GRM7: variants seen among roughly 807,000 people sequenced by gnomAD.
GRM7 encodes glutamate metabotropic receptor 7.
Under a neutral mutation model 84.5 loss-of-function variants are expected in GRM7, and 35 were observed. That is an observed-to-expected ratio of 0.41 (90% confidence interval 0.32 to 0.55). GRM7 has a LOEUF of 0.55. Ranked by LOEUF, GRM7 falls within the 20% of genes least tolerant of loss-of-function variation. The probability of loss-of-function intolerance (pLI) is 0.19; values close to 1 mark genes in which losing one functional copy is unlikely to be tolerated. For synonymous variants in GRM7, 487 were observed against 455.1 expected (o/e 1.07, Z -0.89); for missense variants, 1,003 against 1,194.6 (o/e 0.84, Z 2.36).
chr3:7,387,077 CAG>C (rs1280253827), intron 4 of GRM7, among the ~76,000 whole-genome samples: 3 of 152,028 alleles, frequency 2.0e-5, no homozygotes, highest in Non-Finnish European at 4.4e-5. Flanking sequence ...CTTTGAGAAA[CAG>C]ACATTTCTCA....
At chr3:7,356,324 C>A (rs1166391086) in intron 4 of GRM7, among the ~76,000 whole-genome samples, 1 of 149,750 alleles carries the variant, frequency 6.7e-6, no homozygotes, top group Non-Finnish European at 1.5e-5. Flanking sequence ...TTTTTTGAGA[C>A]AGAGTCTCAC....
chr3:6,864,492 TAGAG>T (rs1694875836), intron 1 of GRM7, among the ~76,000 whole-genome samples: 1 of 152,086 alleles, frequency 6.6e-6, no homozygotes, highest in African/African-American at 2.4e-5. Flanking sequence ...AAGGCACACT[TAGAG>T]GGAGAGAAAA....
chr3:7,179,507 T>C (rs577511038), intron 2 of GRM7, among the ~76,000 whole-genome samples: 7 of 152,370 alleles, frequency 4.6e-5, no homozygotes, highest in South Asian at 2.1e-4. Context: ...TTCTACTCTA[T>C]ATTTTAGATT....
At chr3:7,185,944 C>T (rs926864515) in intron 2 of GRM7, among the ~76,000 whole-genome samples, 6 of 152,202 alleles carry the variant, frequency 3.9e-5, no homozygotes, top group Admixed American at 3.3e-4. Context: ...CATTTTATTC[C>T]TGCTTTCTCT....
At chr3:7,574,904 C>G (rs1485178) in intron 7 of GRM7, among the ~76,000 whole-genome samples, 1 of 151,822 alleles carries the variant, frequency 6.6e-6, no homozygotes, top group South Asian at 2.1e-4. Flanking sequence ...CTTTGCTCTT[C>G]CCAAATGAAA....
At chr3:6,950,041 C>T (rs1423123319) in intron 1 of GRM7, among the ~76,000 whole-genome samples, 3 of 152,156 alleles carry the variant, frequency 2.0e-5, no homozygotes, top group Non-Finnish European at 1.5e-5. Context: ...CTTCTGAAGC[C>T]TTCCTCTCTC....
intron 3 of GRM7, among the ~76,000 whole-genome samples, chr3:7,305,250 G>C (rs1700147258): frequency 6.7e-6 from 1 of 150,288 alleles, no homozygotes; most frequent in Admixed American, 6.6e-5. Context: ...TACTATTTTG[G>C]TGTTTTTTTG....
At chr3:7,190,167 A>T (rs960572269) in intron 2 of GRM7, among the ~76,000 whole-genome samples, 1 of 152,106 alleles carries the variant, frequency 6.6e-6, no homozygotes, top group Non-Finnish European at 1.5e-5. Flanking sequence ...TAACACATCC[A>T]TTGACACTAT....
At chr3:7,532,874 A>AT (rs1491318214) in intron 7 of GRM7, among the ~76,000 whole-genome samples, 300 of 131,222 alleles carry the variant, frequency 2.3e-3, no homozygotes, top group African/African-American at 8.3e-3. Context: ...ACCAACAAAG[A>AT]TAAAAAAAAA....
At chr3:7,146,424 C>G (rs1574959737) in intron 1 of GRM7, 28 bp from the exon 2 acceptor site, 1 of 1,536,164 alleles carries the variant, frequency 6.5e-7, no homozygotes, top group Non-Finnish European at 9.0e-7. Flanking sequence ...ACGGTGCACT[C>G]TCACGTGGTG....
At chr3:7,414,290 G>A (rs1272979237) in intron 4 of GRM7, among the ~76,000 whole-genome samples, 2 of 152,120 alleles carry the variant, frequency 1.3e-5, no homozygotes, top group African/African-American at 4.8e-5. Context: ...TGTGGGGGAA[G>A]GAGATGGTGT....
At chr3:7,560,291 T>G (rs1693954731) in intron 7 of GRM7, 1 of 152,120 alleles carries the variant, frequency 6.6e-6, no homozygotes, top group Non-Finnish European at 1.5e-5. Context: ...ACCTTTCTTC[T>G]GCTTTTCTGG....
intron 2 of GRM7, among the ~76,000 whole-genome samples, chr3:7,254,103 G>A (rs1698111305): frequency 6.6e-6 from 1 of 152,142 alleles, no homozygotes; most frequent in Admixed American, 6.5e-5. Flanking sequence ...GCCTTCTTGG[G>A]CACTCTTGTT....
chr3:7,414,689 A>G (rs1419248556), intron 4 of GRM7, among the ~76,000 whole-genome samples: 1 of 152,120 alleles, frequency 6.6e-6, no homozygotes, highest in African/African-American at 2.4e-5. Flanking sequence ...TTAAAATAAT[A>G]TTCATGGATC....
chr3:7,275,377 C>G (rs527723986), intron 2 of GRM7, among the ~76,000 whole-genome samples: 73 of 152,198 alleles, frequency 4.8e-4, no homozygotes, highest in Admixed American at 2.0e-3. Context: ...GATGTACCTG[C>G]TAAGAGAAAC....
chr3:7,132,890 T>A (rs1043024122), intron 1 of GRM7, among the ~76,000 whole-genome samples: 2 of 152,252 alleles, frequency 1.3e-5, no homozygotes, highest in Admixed American at 1.3e-4. Flanking sequence ...CAGCATACCA[T>A]GTAGTTTACT....
At chr3:7,355,194 AGTT>A (rs1693338503) in intron 4 of GRM7, among the ~76,000 whole-genome samples, 1 of 152,152 alleles carries the variant, frequency 6.6e-6, no homozygotes, top group Non-Finnish European at 1.5e-5. Context: ...GTGAAGAATA[AGTT>A]GTTGTATCTG....
chr3:7,083,135 C>T (rs1443383417), intron 1 of GRM7, among the ~76,000 whole-genome samples: 3 of 152,226 alleles, frequency 2.0e-5, no homozygotes, highest in African/African-American at 7.2e-5. Context: ...GCATTGCATG[C>T]TACAGAGAAA....
intron 7 of GRM7, among the ~76,000 whole-genome samples, chr3:7,568,855 G>T (rs1694476974): frequency 6.6e-6 from 1 of 152,120 alleles, no homozygotes; most frequent in South Asian, 2.1e-4. Flanking sequence ...GGGACCTGCA[G>T]CCCGCCATGC....
Sources: gnomAD v4.1 joint callset for allele counts (sites outside exome capture counted in the v4.1 genomes callset) on GRCh38, gnomAD v4.1.1 for gene constraint, MANE v1.5 for transcripts, NCBI Gene and HGNC (gene_info 2026-07-23, HGNC 2026-07-21) for gene names.